Variants in MYO1D observed in about 807,000 individuals in gnomAD.
MYO1D encodes the protein myosin ID, also known as unconventional myosin-Id.
A neutral mutation model predicts 122.0 loss-of-function variants in MYO1D; 83 were observed. That is an observed-to-expected ratio of 0.68 (90% confidence interval 0.57 to 0.82). The LOEUF (loss-of-function observed/expected upper bound fraction) is 0.82. Among genes scored for constraint, MYO1D ranks in the 40% least tolerant of loss-of-function variants. MYO1D has a pLI of 0.00. For missense variants in MYO1D, 1,157 were observed against 1,269.5 expected (o/e 0.91, Z 1.35); for synonymous variants, 464 against 446.9 (o/e 1.04, Z -0.48).
intron 14 of MYO1D, among the ~76,000 whole-genome samples, chr17:32,728,760 T>C (rs553408549): frequency 2.0e-5 from 3 of 152,324 alleles, no homozygotes; most frequent in Admixed American, 6.5e-5. Flanking sequence ...TAAAATCATG[T>C]AGGCAACGCA....
Position 32,605,452 on chromosome 17 carries a change from C to T in MYO1D, c.2710-211G>A, listed in dbSNP as rs1426335651. Among the ~76,000 whole-genome samples the T allele has an allele frequency of 3.7e-5, 5 of 133,544 alleles. No homozygotes were observed. In the East Asian group the frequency reaches 1.0e-3, roughly 28 times the overall value. The allele number at this position is 133,544 out of a possible 152,430, so 87.6% of individuals were successfully genotyped here. On this transcript the variant is annotated intron_variant, in intron 20 of 21. Transcript: ENST00000318217. Reference sequence around the variant, plus strand: ...CCTAAAAACAACAAAACACGTCATACATTTTCTAAGGGTTTTGCTCAGTGA... The same window carrying T: ...CCTAAAAACAACAAAACACGTCATATATTTTCTAAGGGTTTTGCTCAGTGA...
chr17:32,795,155 C>G (rs973334731), intron 1 of MYO1D, among the ~76,000 whole-genome samples: 10 of 152,136 alleles, frequency 6.6e-5, no homozygotes, highest in African/African-American at 1.9e-4. Context: ...ACTATGCAAT[C>G]TGTTTGAGAC....
chr17:32,617,054 G>T (rs2087779775), intron 20 of MYO1D, among the ~76,000 whole-genome samples: 1 of 152,200 alleles, frequency 6.6e-6, no homozygotes, highest in Admixed American at 6.5e-5. Context: ...GGTGGCGCAT[G>T]CCTGTAGTTC....
intron 1 of MYO1D, among the ~76,000 whole-genome samples, chr17:32,798,936 T>A (rs2090439335): frequency 6.6e-6 from 1 of 152,208 alleles, no homozygotes; most frequent in Non-Finnish European, 1.5e-5. Flanking sequence ...TTTTAGTAAG[T>A]AAGGTAAGAG....
At chr17:32,597,095 T>G (rs927032089) in intron 21 of MYO1D, among the ~76,000 whole-genome samples, 3 of 152,252 alleles carry the variant, frequency 2.0e-5, no homozygotes, top group African/African-American at 7.2e-5. Context: ...ATTGAAATGC[T>G]ATGAGAGATT....
At chr17:32,808,545 C>T (rs2090541045) in intron 1 of MYO1D, among the ~76,000 whole-genome samples, 1 of 152,104 alleles carries the variant, frequency 6.6e-6, no homozygotes, top group Non-Finnish European at 1.5e-5. Flanking sequence ...ATTCTGAGCA[C>T]TATGAATGGA....
chr17:32,532,168 C>G (rs1567879523), intron 21 of MYO1D, among the ~76,000 whole-genome samples: 2 of 152,188 alleles, frequency 1.3e-5, no homozygotes, highest in African/African-American at 2.4e-5. Flanking sequence ...TTCTTTAAAA[C>G]AAGTATCAGA....
intron 21 of MYO1D, among the ~76,000 whole-genome samples, chr17:32,547,253 T>C (rs1234434600): frequency 2.6e-5 from 4 of 152,140 alleles, no homozygotes; most frequent in African/African-American, 9.7e-5. Flanking sequence ...TTTTCATATA[T>C]GTTACAGCAC....
Position 32,493,453 on chromosome 17 carries a change from C to G in MYO1D, c.*1306G>C, listed in dbSNP as rs542989415. The G allele has an allele frequency of 6.6e-6, 1 of 152,342 alleles. No homozygotes were observed. The highest frequency in any genetic ancestry group is 2.4e-5 in the African/African-American group (1 of 41,432). The allele number at this position is 152,342 out of a possible 1,614,324, so 9.4% of individuals were successfully genotyped here. A position where few individuals can be genotyped will look rare whatever the true frequency, so the allele number is the denominator to read the frequency against. On this transcript the variant is annotated 3_prime_UTR_variant, in exon 22 of 22. Coordinates refer to ENST00000318217, the MANE Select transcript of MYO1D (RefSeq NM_015194.3). The stretch of plus-strand genomic sequence containing the variant: ...GACGGGAAGAAGCTTCAGTACATCC[C>G]TCTCTTGCACCTCTGCCCACTCCAC...
At chr17:32,791,675 G>T (rs2017947918) in intron 1 of MYO1D, among the ~76,000 whole-genome samples, 1 of 151,860 alleles carries the variant, frequency 6.6e-6, no homozygotes, top group Admixed American at 6.6e-5. Context: ...AACAAAAGGG[G>T]GTTTCTTGTA....
chr17:32,544,602 T>C (rs554514096), intron 21 of MYO1D, among the ~76,000 whole-genome samples: 1 of 152,290 alleles, frequency 6.6e-6, no homozygotes, highest in East Asian at 1.9e-4. Flanking sequence ...CTCTTCCCCA[T>C]TGTTAGAAAG....
intron 20 of MYO1D, among the ~76,000 whole-genome samples, chr17:32,622,627 T>G (rs555255468): frequency 6.6e-6 from 1 of 152,314 alleles, no homozygotes; most frequent in East Asian, 1.9e-4. Flanking sequence ...CATTCAGTTA[T>G]CTGGGAGAAC....
intron 21 of MYO1D, among the ~76,000 whole-genome samples, chr17:32,500,979 A>G (rs1468897543): frequency 6.6e-6 from 1 of 151,490 alleles, no homozygotes; most frequent in Non-Finnish European, 1.5e-5. Context: ...ACTGCACTCC[A>G]GCATGGGTGA....
At chr17:32,626,196 C>T (rs919984673) in intron 20 of MYO1D, among the ~76,000 whole-genome samples, 3 of 152,230 alleles carry the variant, frequency 2.0e-5, no homozygotes, top group African/African-American at 7.2e-5. Flanking sequence ...GCCAAATGCA[C>T]AGCACATGGG....
rs1284251605 is a variant in MYO1D at position 32,494,026 on chromosome 17, G to A, written c.*733C>T. 1.3e-5 allele frequency: 2 copies of A among 152,330 alleles called. No individual in the cohort carries two copies. The highest frequency in any genetic ancestry group is 3.9e-4 in the East Asian group (2 of 5,188). 9.4% of individuals were successfully genotyped at this position (152,330 alleles called of 1,614,324 possible). Reference sequence around the variant, plus strand: ...ATCTATAAGAGGACCACAGCCACAGGCTGCGAGTTAAGTAAGATGATCCTT... The same window carrying A: ...ATCTATAAGAGGACCACAGCCACAGACTGCGAGTTAAGTAAGATGATCCTT... On this transcript the variant is annotated 3_prime_UTR_variant, in exon 22 of 22. Transcript: ENST00000318217.
intron 21 of MYO1D, among the ~76,000 whole-genome samples, chr17:32,566,108 T>C (rs980584800): frequency 3.3e-5 from 5 of 152,112 alleles, no homozygotes; most frequent in Non-Finnish European, 5.9e-5. Flanking sequence ...ATTCAACACA[T>C]AGTTCCTGTG....
chr17:32,546,618 T>C (rs914804495), intron 21 of MYO1D, among the ~76,000 whole-genome samples: 2 of 152,248 alleles, frequency 1.3e-5, no homozygotes, highest in Non-Finnish European at 2.9e-5. Context: ...GTGGGGGGCA[T>C]GGCTGCCAAG....
rs321162 is a variant in MYO1D, at chr17:32,682,722, G to A, written c.2122-23384C>T. Among the ~76,000 whole-genome samples, 1,076 of 117,322 alleles carry A rather than the reference G, an allele frequency of 9.2e-3. 23 individuals carry two copies. The highest frequency in any genetic ancestry group is 0.034 in the African/African-American group (905 of 26,246). The allele number at this position is 117,322 out of a possible 152,430, so 77.0% of individuals were successfully genotyped here. On this transcript the variant is annotated intron_variant, in intron 16 of 21. Transcript: ENST00000318217. The stretch of plus-strand genomic sequence containing the variant: ...CAACTTTGGTGAATCTGACAATTAC[G>A]TGTCTTGGAGTTGCTCTTCTCGAGG...
intron 10 of MYO1D, among the ~76,000 whole-genome samples, chr17:32,757,824 C>T (rs1377323604): frequency 6.6e-6 from 1 of 152,054 alleles, no homozygotes; most frequent in Non-Finnish European, 1.5e-5. Context: ...CTTGGCATTC[C>T]CGTAAGGTTT....
Sources: allele counts gnomAD v4.1 joint callset (sites outside exome capture counted in the v4.1 genomes callset), GRCh38; gene constraint gnomAD v4.1.1; transcripts MANE v1.5; gene names NCBI Gene and HGNC (gene_info 2026-07-23, HGNC 2026-07-21).